TMPRSS15: variants seen among roughly 807,000 people sequenced by gnomAD.
TMPRSS15 encodes enteropeptidase.
Under a neutral mutation model 125.3 loss-of-function variants are expected in TMPRSS15, and 128 were observed. The observed-to-expected ratio is 1.02, with a 90% CI of 0.89 to 1.18. The LOEUF is 1.18. Among genes scored for constraint, TMPRSS15 ranks in the 50% most tolerant of loss-of-function variants. The pLI, the probability that TMPRSS15 is intolerant of heterozygous loss-of-function variation, is 0.00. For missense variants in TMPRSS15, 1,283 were observed against 1,212.7 expected, an observed-to-expected ratio of 1.06 and a Z score of -0.86; for synonymous variants, 446 against 423.2, an observed-to-expected ratio of 1.05 and a Z score of -0.66.
chr21:18,444,259 TA>T (rs2076250000), intron 1 of TMPRSS15, among the ~76,000 whole-genome samples: 1 of 152,106 alleles, frequency 6.6e-6, no homozygotes, highest in African/African-American at 2.4e-5. Context: ...GAAGACTGGA[TA>T]AAGAAAATGT....
intron 1 of TMPRSS15, among the ~76,000 whole-genome samples, chr21:18,476,258 T>C (rs891891940): frequency 6.6e-6 from 1 of 152,208 alleles, no homozygotes; most frequent in Non-Finnish European, 1.5e-5. Context: ...GTGGGATTTA[T>C]AAATACTTCT....
At chr21:18,484,353 GGTTTAA>G (rs1979038516) in intron 1 of TMPRSS15, among the ~76,000 whole-genome samples, 2 of 151,706 alleles carry the variant, frequency 1.3e-5, no homozygotes, top group African/African-American at 4.8e-5. Flanking sequence ...GCCATGTTCT[GGTTTAA>G]GTTTAACATA....
chr21:18,478,867 C>T (rs374352747), intron 1 of TMPRSS15, among the ~76,000 whole-genome samples: 1 of 151,946 alleles, frequency 6.6e-6, no homozygotes, highest in South Asian at 2.1e-4. Flanking sequence ...GACCATGTTT[C>T]TCTATTTCTC....
chr21:18,379,606 G>C (rs1419913269), intron 4 of TMPRSS15, among the ~76,000 whole-genome samples: 3 of 151,950 alleles, frequency 2.0e-5, no homozygotes, highest in Admixed American at 6.6e-5. Flanking sequence ...CTAAATGCGA[G>C]GATTCATTAA....
At chr21:18,450,456 T>G (rs1016801793) in intron 1 of TMPRSS15, among the ~76,000 whole-genome samples, 2 of 152,188 alleles carry the variant, frequency 1.3e-5, no homozygotes, top group Non-Finnish European at 2.9e-5. Flanking sequence ...ATTATAAATC[T>G]TCTTACTCTA....
At chr21:18,272,255 A>G (rs1162130544) in intron 24 of TMPRSS15, among the ~76,000 whole-genome samples, 3 of 152,096 alleles carry the variant, frequency 2.0e-5, no homozygotes, top group African/African-American at 7.2e-5. Context: ...AATAATCGCC[A>G]TTCTGACTGG....
At position 18,341,305 on chromosome 21, in the gene TMPRSS15, A is replaced by T. The variant is rs2075443095; in HGVS notation, c.1564+108T>A. 2.9e-6 allele frequency: 4 copies of T among 1,399,168 alleles called. No individual in the cohort carries two copies. In the Admixed American group the frequency reaches 5.1e-5, roughly 18 times the overall value. The allele number at this position is 1,399,168 out of a possible 1,614,324, so 86.7% of individuals were successfully genotyped here. ...AGGCTGGTCTCAAACTCCTGGCTTC[A>T]AGCAATCCTCCTGCTTCAGCCTCCC... is the stretch of plus-strand genomic sequence containing the variant. On this transcript the variant is annotated intron_variant, in intron 13 of 24. Transcript: ENST00000284885.
rs1601438705 is a variant in TMPRSS15 at position 18,397,810 on chromosome 21, C to T, written c.344+69G>A. The T allele has an allele frequency of 6.3e-5, 55 of 869,058 alleles. No homozygotes were observed. In the East Asian group the frequency reaches 1.5e-3, roughly 23 times the overall value. 53.8% of individuals were successfully genotyped at this position (869,058 alleles called of 1,614,324 possible). ...TCCTCTTTTCCTATATATAGTGATG[C>T]TATTTTACAAATATTAGCAAAAAAA... On this transcript the variant is annotated intron_variant, in intron 3 of 24. Transcript: ENST00000284885.
intron 1 of TMPRSS15, among the ~76,000 whole-genome samples, chr21:18,476,085 C>T (rs980315022): frequency 7.9e-5 from 12 of 151,962 alleles, no homozygotes; most frequent in Non-Finnish European, 4.4e-5. Flanking sequence ...ATAATATTTA[C>T]GAGTCTGAAT....
rs559668733 is a variant in TMPRSS15, at chr21:18,342,789, A to G, written c.1428+717T>C. Among the ~76,000 whole-genome samples the G allele has an allele frequency of 1.8e-4, 28 of 152,318 alleles. 1 individual carries two copies. The Middle Eastern group carries it at 0.017, about 93-fold the overall frequency. ...TGAGAGTCATTAATTATTGCCTTAC[A>G]CCAAGTCACGGGGAAAATCTGAAGC... On this transcript the variant is annotated intron_variant, in intron 12 of 24. Transcript: ENST00000284885.
chr21:18,275,648 C>T (rs74364162), intron 23 of TMPRSS15, among the ~76,000 whole-genome samples: 2,915 of 152,238 alleles, frequency 0.019, 55 homozygotes, highest in Non-Finnish European at 0.03. Context: ...TGGGGGAAAA[C>T]GCTCCCCAAC....
At chr21:18,467,599 A>G (rs372022953) in intron 1 of TMPRSS15, among the ~76,000 whole-genome samples, 35 of 152,078 alleles carry the variant, frequency 2.3e-4, no homozygotes, top group South Asian at 8.3e-4. Context: ...AAATTGTCTG[A>G]CTTGGAAAAA....
At position 18,279,097 on chromosome 21, in the gene TMPRSS15, G is replaced by T. The variant is rs368504172; in HGVS notation, c.2669-38C>A. On this transcript the variant is annotated intron_variant, in intron 22 of 24. Transcript: ENST00000284885. Reference sequence around the variant, plus strand: ...GCAAACAGCAAAACGAACAAACGAAGAAAAAGAAAGAACAGATTTACAAGC... The same window carrying T: ...GCAAACAGCAAAACGAACAAACGAATAAAAAGAAAGAACAGATTTACAAGC... The T allele has an allele frequency of 3.8e-6, 4 of 1,042,316 alleles. No individual in the cohort carries two copies. In the African/African-American group the frequency reaches 6.4e-5, roughly 17 times the overall value. 64.6% of individuals were successfully genotyped at this position (1,042,316 alleles called of 1,614,324 possible).
upstream of TMPRSS15, among the ~76,000 whole-genome samples, chr21:18,407,448 C>CTTTTTTTTTTTT (rs201740388): frequency 4.5e-5 from 6 of 133,194 alleles, no homozygotes; most frequent in African/African-American, 1.1e-4. Context: ...TTTTTCTTTT[C>CTTTTTTTTTTTT]TTTTTTTTTT....
chr21:18,294,570 C>T, intron 20 of TMPRSS15, 33 bp downstream of exon 20: 2 of 1,606,876 alleles, frequency 1.2e-6, no homozygotes, highest in Non-Finnish European at 1.7e-6. Context: ...AAACAGAATG[C>T]TTGAAGTGGG....
At chr21:18,271,981 A>AT (rs2074562810) in intron 24 of TMPRSS15, among the ~76,000 whole-genome samples, 1 of 142,364 alleles carries the variant, frequency 7.0e-6, no homozygotes, top group African/African-American at 3.0e-5. Context: ...TCTATCATTG[A>AT]TGATGGGCAT....
intron 1 of TMPRSS15, among the ~76,000 whole-genome samples, chr21:18,411,547 A>G (rs2076166064): frequency 1.3e-5 from 2 of 152,288 alleles, no homozygotes; most frequent in South Asian, 4.1e-4. Flanking sequence ...ATGTGAGACT[A>G]TCTTTTAAAA....
intron 1 of TMPRSS15, among the ~76,000 whole-genome samples, chr21:18,431,450 T>C (rs1281103397): frequency 3.9e-5 from 6 of 152,150 alleles, no homozygotes; most frequent in Non-Finnish European, 8.8e-5. Flanking sequence ...CATTGAAACT[T>C]CGGAATTTCT....
chr21:18,275,139 AATAACT>A (rs2074603917), intron 24 of TMPRSS15, 52 bp downstream of exon 24: 1 of 1,587,182 alleles, frequency 6.3e-7, no homozygotes, highest in Admixed American at 1.7e-5. Context: ...TAAGCAATGA[AATAACT>A]ATAACACCAG....
Sources: allele counts gnomAD v4.1 joint callset (sites outside exome capture counted in the v4.1 genomes callset), GRCh38; gene constraint gnomAD v4.1.1; transcripts MANE v1.5; gene names NCBI Gene and HGNC (gene_info 2026-07-23, HGNC 2026-07-21).